NRXN1: variants seen among roughly 807,000 people sequenced by gnomAD.
NRXN1 encodes the protein neurexin 1, also known as neurexin-1.
NRXN1 carries 39 observed loss-of-function variants against 150.9 expected under a neutral mutation model. The observed-to-expected ratio is 0.26, with a 90% confidence interval of 0.20 to 0.34. The LOEUF is 0.34. Among genes scored for constraint, NRXN1 ranks in the 10% least tolerant of loss-of-function variants. The pLI is 1.00. For synonymous variants in NRXN1, 924 were observed against 757.0 expected (o/e 1.22, Z -3.62); for missense variants, 1,815 against 1,949.9 (o/e 0.93, Z 1.30).
chr2:50,384,013 T>C (rs2081149508), intron 17 of NRXN1, among the ~76,000 whole-genome samples: 1 of 152,178 alleles, frequency 6.6e-6, no homozygotes, highest in African/African-American at 2.4e-5. Flanking sequence ...GAGAAGAAAG[T>C]AAAGGAAAGG....
At chr2:50,705,160 T>C (rs890561989) in intron 5 of NRXN1, among the ~76,000 whole-genome samples, 3 of 152,018 alleles carry the variant, frequency 2.0e-5, no homozygotes, top group Admixed American at 6.6e-5. Context: ...TGCTGATAAG[T>C]TGACATTTTG....
intron 12 of NRXN1, among the ~76,000 whole-genome samples, chr2:50,517,414 T>A (rs1376022201): frequency 3.8e-3 from 22 of 5,862 alleles, no homozygotes; most frequent in East Asian, 0.032. Flanking sequence ...TTTGTGGGAC[T>A]TTTTTTTAAA....
chr2:51,014,570 A>G (rs1239507777), intron 2 of NRXN1, among the ~76,000 whole-genome samples: 2 of 151,994 alleles, frequency 1.3e-5, no homozygotes, highest in Admixed American at 6.6e-5. Context: ...AACACAGGAG[A>G]GATTATCCTA....
intron 12 of NRXN1, among the ~76,000 whole-genome samples, chr2:50,509,667 T>C (rs1023355304): frequency 6.6e-6 from 1 of 152,190 alleles, no homozygotes; most frequent in Non-Finnish European, 1.5e-5. Flanking sequence ...TGAGAGTTTG[T>C]CCTCTTGCTA....
chr2:50,935,582 C>G (rs1688413184), intron 2 of NRXN1, among the ~76,000 whole-genome samples: 1 of 151,982 alleles, frequency 6.6e-6, no homozygotes, highest in Non-Finnish European at 1.5e-5. Context: ...CAAAAATTAG[C>G]CAGGCATGGT....
intron 5 of NRXN1, among the ~76,000 whole-genome samples, chr2:50,828,818 A>T (rs1379127470): frequency 6.6e-6 from 1 of 152,118 alleles, no homozygotes; most frequent in Non-Finnish European, 1.5e-5. Context: ...CTCACTTCCC[A>T]GACGGGGTGG....
At chr2:50,552,278 T>C (rs973304833) in intron 9 of NRXN1, among the ~76,000 whole-genome samples, 6 of 152,208 alleles carry the variant, frequency 3.9e-5, no homozygotes, top group Non-Finnish European at 8.8e-5. Context: ...TAGAAAAACT[T>C]TGAATTTTTT....
At chr2:50,515,615 G>GTA (rs1212858998) in intron 12 of NRXN1, among the ~76,000 whole-genome samples, 1 of 151,446 alleles carries the variant, frequency 6.6e-6, no homozygotes, top group African/African-American at 2.4e-5. Flanking sequence ...GTGTGTGTGT[G>GTA]TGTGTGTGTG....
intron 18 of NRXN1, among the ~76,000 whole-genome samples, chr2:50,201,552 A>T (rs984355401): frequency 2.6e-5 from 4 of 152,166 alleles, no homozygotes; most frequent in African/African-American, 9.7e-5. Flanking sequence ...CTCTCTTCTG[A>T]TAGCTTATTA....
At chr2:50,771,688 T>C (rs1176441084) in intron 5 of NRXN1, among the ~76,000 whole-genome samples, 1 of 152,088 alleles carries the variant, frequency 6.6e-6, no homozygotes, top group Non-Finnish European at 1.5e-5. Context: ...GTCTGAGGCA[T>C]TTTCCGTGAA....
chr2:50,235,838 C>T (rs1014863910), intron 18 of NRXN1, among the ~76,000 whole-genome samples: 3 of 151,978 alleles, frequency 2.0e-5, no homozygotes, highest in African/African-American at 7.2e-5. Flanking sequence ...CCTGTTTCTT[C>T]TGAAATCTTC....
chr2:50,662,791 G>A (rs887972727), intron 5 of NRXN1, among the ~76,000 whole-genome samples: 1 of 151,924 alleles, frequency 6.6e-6, no homozygotes, highest in Non-Finnish European at 1.5e-5. Context: ...CAGAGAGTAA[G>A]GTCCAACCTA....
chr2:49,988,200 T>C (rs572391415), intron 21 of NRXN1, among the ~76,000 whole-genome samples: 16 of 144,812 alleles, frequency 1.1e-4, no homozygotes, highest in Middle Eastern at 3.7e-3. Context: ...ATAAATAATT[T>C]CTTTGACTCT....
At chr2:50,698,937 C>T (rs949883533) in intron 5 of NRXN1, among the ~76,000 whole-genome samples, 2 of 152,106 alleles carry the variant, frequency 1.3e-5, no homozygotes, top group African/African-American at 4.8e-5. Flanking sequence ...AGCTCTACCA[C>T]AAAAAGTTCT....
intron 22 of NRXN1, 70 bp from the exon 23 acceptor site, chr2:49,922,321 A>G: frequency 7.1e-7 from 1 of 1,399,806 alleles, no homozygotes; most frequent in Non-Finnish European, 9.9e-7. Flanking sequence ...GAGCTATATT[A>G]ACATTTATTA....
chr2:50,491,429 G>C (rs2091246229), intron 15 of NRXN1, among the ~76,000 whole-genome samples: 2 of 152,136 alleles, frequency 1.3e-5, no homozygotes, highest in African/African-American at 4.8e-5. Flanking sequence ...TTCTGATTAG[G>C]GACATTTAAG....
rs543646148 is a variant in NRXN1 at position 50,303,971 on chromosome 2, A to G, written c.3365-67001T>C. ...ATTATAATCTAGAAAGCCTTTGTCT[A>G]TCTATATAGCTTCAGACAAAATAGC... On this transcript the variant is annotated intron_variant, in intron 17 of 22. Transcript: ENST00000401669. Among the ~76,000 whole-genome samples, 49 of 152,284 alleles carry G rather than the reference A, an allele frequency of 3.2e-4. No homozygotes were observed. In the South Asian group the frequency reaches 9.7e-3, roughly 30 times the overall value.
chr2:50,462,034 T>C (rs187715219), intron 17 of NRXN1, among the ~76,000 whole-genome samples: 7 of 152,044 alleles, frequency 4.6e-5, no homozygotes, highest in Admixed American at 3.9e-4. Flanking sequence ...GGTCAGACCA[T>C]TGAGGTCCAC....
intron 21 of NRXN1, among the ~76,000 whole-genome samples, chr2:49,985,778 A>G (rs147827823): frequency 6.6e-6 from 1 of 152,240 alleles, no homozygotes; most frequent in Non-Finnish European, 1.5e-5. Context: ...AGTGAGAATG[A>G]TAACACAGAC....
Sources: gnomAD v4.1 joint callset for allele counts (sites outside exome capture counted in the v4.1 genomes callset) on GRCh38, gnomAD v4.1.1 for gene constraint, MANE v1.5 for transcripts, NCBI Gene and HGNC (gene_info 2026-07-23, HGNC 2026-07-21) for gene names.